The following KATNAL1 variants were observed in gnomAD, a reference collection of about 807,000 sequenced individuals.
KATNAL1 encodes katanin p60 ATPase-containing subunit A-like 1.
In KATNAL1, 32 loss-of-function variants were observed where a neutral mutation model predicts 55.2. The ratio of observed to expected loss-of-function variants is 0.58; its 90% CI spans 0.44 to 0.78. KATNAL1 has a LOEUF of 0.78. Among genes scored for constraint, KATNAL1 ranks in the 30% least tolerant of loss-of-function variants. The probability of loss-of-function intolerance (pLI) is 0.00; values close to 1 mark genes in which losing one functional copy is unlikely to be tolerated. For synonymous variants in KATNAL1, 193 were observed against 193.6 expected (o/e 1.00, Z 0.02); for missense variants, 466 against 600.9 (o/e 0.78, Z 2.35).
intron 1 of KATNAL1, among the ~76,000 whole-genome samples, chr13:30,292,762 T>C (rs1334621612): frequency 1.3e-5 from 2 of 152,044 alleles, no homozygotes; most frequent in Non-Finnish European, 2.9e-5. Flanking sequence ...GAGAAAAAAT[T>C]TTTGCAACTG....
chr13:30,252,414 A>T (rs1878403537), intron 4 of KATNAL1, among the ~76,000 whole-genome samples: 1 of 152,242 alleles, frequency 6.6e-6, no homozygotes, highest in Non-Finnish European at 1.5e-5. Flanking sequence ...AGATATGTCT[A>T]ACTTCTCTTA....
chr13:30,262,902 C>A (rs1879426916), intron 3 of KATNAL1, among the ~76,000 whole-genome samples: 1 of 152,086 alleles, frequency 6.6e-6, no homozygotes, highest in African/African-American at 2.4e-5. Flanking sequence ...CAAAGCCGGG[C>A]AGAGACACAC....
chr13:30,248,856 A>G (rs1487684556), intron 4 of KATNAL1, among the ~76,000 whole-genome samples: 1 of 152,138 alleles, frequency 6.6e-6, no homozygotes, highest in Admixed American at 6.5e-5. Flanking sequence ...TCAGGAGATC[A>G]AGACCATCCT....
At chr13:30,260,307 G>C (rs568666305) in intron 3 of KATNAL1, among the ~76,000 whole-genome samples, 371 of 152,316 alleles carry the variant, frequency 2.4e-3, no homozygotes, top group Non-Finnish European at 4.5e-3. Context: ...ACTCTAAAAA[G>C]CAGAGTGCCT....
chr13:30,291,365 A>G (rs1176453729), intron 1 of KATNAL1, among the ~76,000 whole-genome samples: 3 of 152,238 alleles, frequency 2.0e-5, no homozygotes, highest in African/African-American at 7.2e-5. Context: ...TTAACAAAAT[A>G]TGTGCAAGAT....
chr13:30,256,451 A>G (rs1330084368), intron 3 of KATNAL1, among the ~76,000 whole-genome samples: 1 of 151,922 alleles, frequency 6.6e-6, no homozygotes, highest in Non-Finnish European at 1.5e-5. Flanking sequence ...CTGTTTTCCT[A>G]CCTTTTCTCT....
intron 3 of KATNAL1, among the ~76,000 whole-genome samples, chr13:30,262,743 A>T (rs1289370591): frequency 6.6e-6 from 1 of 151,828 alleles, no homozygotes; most frequent in East Asian, 1.9e-4. Context: ...TACCAACCAA[A>T]AAGAGTCCAG....
intron 3 of KATNAL1, among the ~76,000 whole-genome samples, chr13:30,257,736 C>A (rs189196883): frequency 6.6e-6 from 1 of 152,192 alleles, no homozygotes; most frequent in Non-Finnish European, 1.5e-5. Context: ...CCTTGTTCTG[C>A]CACTGAATAT....
At chr13:30,295,776 G>A (rs946194636) in intron 1 of KATNAL1, among the ~76,000 whole-genome samples, 4 of 152,208 alleles carry the variant, frequency 2.6e-5, no homozygotes, top group African/African-American at 4.8e-5. Context: ...GCAGGGTTTG[G>A]AGAGGATTGA....
chr13:30,222,358 G>A (rs1310541771), intron 9 of KATNAL1, among the ~76,000 whole-genome samples: 1 of 152,114 alleles, frequency 6.6e-6, no homozygotes, highest in Non-Finnish European at 1.5e-5. Flanking sequence ...CTCTTCCTGG[G>A]CCTCTAACCT....
intron 4 of KATNAL1, among the ~76,000 whole-genome samples, chr13:30,244,961 T>C (rs530683123): frequency 6.6e-6 from 1 of 151,798 alleles, no homozygotes; most frequent in South Asian, 2.1e-4. Flanking sequence ...AGCCAAATTC[T>C]ACCAGAGGTA....
Position 30,206,297 on chromosome 13 carries a change from T to A in KATNAL1, c.*2243A>T, listed in dbSNP as rs1873144200. On this transcript the variant is annotated 3_prime_UTR_variant, in exon 11 of 11. Coordinates refer to ENST00000380615, the MANE Select transcript of KATNAL1 (RefSeq NM_032116.5). Reference sequence around the variant, plus strand: ...CTCAGTCTCAAAATAAATAAATAAATAAAATAAAATAAAATAAAAGTTAAA... The same window carrying A: ...CTCAGTCTCAAAATAAATAAATAAAAAAAATAAAATAAAATAAAAGTTAAA... 6.6e-6 allele frequency: 1 copy of A among 150,982 alleles called. No individual in the cohort carries two copies. Among genetic ancestry groups the A allele is most frequent in the Non-Finnish European group, 1.5e-5 (1 of 67,734 alleles). 9.4% of individuals were successfully genotyped at this position (150,982 alleles called of 1,614,324 possible). A position where few individuals can be genotyped will look rare whatever the true frequency, so the allele number is the denominator to read the frequency against.
At chr13:30,264,627 C>T (rs1434529592) in intron 3 of KATNAL1, among the ~76,000 whole-genome samples, 1 of 148,314 alleles carries the variant, frequency 6.7e-6, no homozygotes, top group East Asian at 2.0e-4. Flanking sequence ...AAAAAATGCT[C>T]ATCATCACTG....
intron 9 of KATNAL1, among the ~76,000 whole-genome samples, chr13:30,224,014 C>T (rs1469079473): frequency 6.6e-6 from 1 of 152,032 alleles, no homozygotes; most frequent in Non-Finnish European, 1.5e-5. Context: ...TTCCTAACTG[C>T]AATGAATTAA....
intron 3 of KATNAL1, among the ~76,000 whole-genome samples, chr13:30,277,401 G>A (rs1880920804): frequency 6.6e-6 from 1 of 152,088 alleles, no homozygotes; most frequent in African/African-American, 2.4e-5. Flanking sequence ...CTTGCTCAAG[G>A]TCACAAAGCA....
chr13:30,232,781 T>G (rs185478457), intron 6 of KATNAL1, among the ~76,000 whole-genome samples: 1 of 152,308 alleles, frequency 6.6e-6, no homozygotes, highest in Admixed American at 6.5e-5. Flanking sequence ...TATCTCTTTG[T>G]CTACTGGCTC....
chr13:30,283,293 G>GAAAAAT (rs1593945549), intron 2 of KATNAL1, among the ~76,000 whole-genome samples: 1 of 55,890 alleles, frequency 1.8e-5, no homozygotes, highest in African/African-American at 7.3e-5. Context: ...AAAAAAAAAG[G>GAAAAAT]AATGAATGAA....
intron 3 of KATNAL1, among the ~76,000 whole-genome samples, chr13:30,269,469 T>C (rs901040782): frequency 3.3e-5 from 5 of 152,212 alleles, no homozygotes; most frequent in Admixed American, 1.3e-4. Context: ...AGTGCCGAGA[T>C]TGCAGTCTCT....
intron 3 of KATNAL1, among the ~76,000 whole-genome samples, chr13:30,265,513 T>C (rs181030922): frequency 6.6e-6 from 1 of 151,748 alleles, no homozygotes; most frequent in Admixed American, 6.6e-5. Context: ...TTGATATGAG[T>C]TGTTTTGTAT....
Sources: allele counts gnomAD v4.1 joint callset (sites outside exome capture counted in the v4.1 genomes callset), GRCh38; gene constraint gnomAD v4.1.1; transcripts MANE v1.5; gene names NCBI Gene and HGNC (gene_info 2026-07-23, HGNC 2026-07-21).